Variants in SUMF1 observed in about 807,000 individuals in gnomAD.
SUMF1 encodes the protein sulfatase modifying factor 1, also known as formylglycine-generating enzyme.
Under a neutral mutation model 47.6 loss-of-function variants are expected in SUMF1, and 48 were observed. The ratio of observed to expected loss-of-function variants is 1.01; its 90% confidence interval spans 0.80 to 1.28. The LOEUF (loss-of-function observed/expected upper bound fraction) is 1.28, where lower values mean the gene tolerates loss of function less well. Among genes scored for constraint, SUMF1 ranks in the 50% most tolerant of loss-of-function variants. SUMF1 has a pLI of 0.00. For missense variants in SUMF1, 571 were observed against 485.4 expected, an observed-to-expected ratio of 1.18 and a Z score of -1.66; for synonymous variants, 230 against 192.1, an observed-to-expected ratio of 1.20 and a Z score of -1.63.
intron 8 of SUMF1, among the ~76,000 whole-genome samples, chr3:4,134,478 G>A (rs866092400): frequency 3.3e-5 from 5 of 152,188 alleles, no homozygotes; most frequent in Middle Eastern, 6.8e-3. Context: ...AGTGTGTAGA[G>A]GGAAATTTAT....
chr3:4,088,246 A>G (rs1303341493), intron 8 of SUMF1, among the ~76,000 whole-genome samples: 1 of 152,056 alleles, frequency 6.6e-6, no homozygotes, highest in Non-Finnish European at 1.5e-5. Flanking sequence ...CTCCATACTC[A>G]GGTAAGACCA....
At chr3:4,364,900 G>A (rs1284787042) in intron 8 of SUMF1, among the ~76,000 whole-genome samples, 1 of 150,126 alleles carries the variant, frequency 6.7e-6, no homozygotes, top group African/African-American at 2.4e-5. Flanking sequence ...CTTTGAATGT[G>A]TCCCAGAGAT....
intron 1 of SUMF1, among the ~76,000 whole-genome samples, chr3:4,458,259 G>C (rs1009064858): frequency 5.3e-5 from 8 of 152,128 alleles, no homozygotes; most frequent in African/African-American, 1.9e-4. Context: ...TAGAGAAAAA[G>C]GAACTCTACT....
chr3:4,210,479 T>A (rs1159622141), intron 8 of SUMF1, among the ~76,000 whole-genome samples: 1 of 152,122 alleles, frequency 6.6e-6, no homozygotes, highest in African/African-American at 2.4e-5. Context: ...ACACATATTG[T>A]CACCAATTTA....
At chr3:4,366,119 A>T (rs958926289) in intron 8 of SUMF1, among the ~76,000 whole-genome samples, 152 of 151,856 alleles carry the variant, frequency 1.0e-3, no homozygotes, top group African/African-American at 3.4e-3. Context: ...TTCGTGGGTA[A>T]CCCGACCTTT....
intron 8 of SUMF1, among the ~76,000 whole-genome samples, chr3:4,200,174 ATT>A (rs35851983): frequency 1.5e-4 from 19 of 125,856 alleles, no homozygotes; most frequent in African/African-American, 1.2e-4. Flanking sequence ...AAGCATCAAG[ATT>A]TTTTTTTTTT....
At chr3:4,191,689 G>T (rs377413128) in intron 8 of SUMF1, among the ~76,000 whole-genome samples, 28 of 152,058 alleles carry the variant, frequency 1.8e-4, no homozygotes, top group African/African-American at 6.0e-4. Flanking sequence ...GAGGACAAGA[G>T]AGAAAGCAAG....
At chr3:4,218,274 T>G (rs1044270421) in intron 8 of SUMF1, among the ~76,000 whole-genome samples, 7 of 152,036 alleles carry the variant, frequency 4.6e-5, no homozygotes, top group Non-Finnish European at 8.8e-5. Context: ...TTCTGTTGTT[T>G]AAGCCACATA....
intron 8 of SUMF1, among the ~76,000 whole-genome samples, chr3:4,254,004 C>G (rs1168818819): frequency 6.6e-6 from 1 of 150,980 alleles, no homozygotes; most frequent in Admixed American, 6.6e-5. Context: ...CAAGGGCACA[C>G]TGACACCACA....
At chr3:4,326,847 A>G (rs1267975753) in intron 8 of SUMF1, among the ~76,000 whole-genome samples, 1 of 152,064 alleles carries the variant, frequency 6.6e-6, no homozygotes, top group Non-Finnish European at 1.5e-5. Flanking sequence ...TGGCTCTCTA[A>G]CATCATCTCA....
intron 8 of SUMF1, among the ~76,000 whole-genome samples, chr3:4,129,169 T>C (rs1257552307): frequency 6.6e-6 from 1 of 152,102 alleles, no homozygotes; most frequent in Middle Eastern, 3.2e-3. Flanking sequence ...CTTCTCTGCA[T>C]GTCATATCTA....
At chr3:4,208,469 C>CA (rs775554036) in intron 8 of SUMF1, among the ~76,000 whole-genome samples, 39,372 of 132,608 alleles carry the variant, frequency 0.3, 5,951 homozygotes, top group African/African-American at 0.42. Context: ...TTCTAGAAGG[C>CA]AAAAAAAAAA....
intron 8 of SUMF1, among the ~76,000 whole-genome samples, chr3:4,168,157 G>A (rs1411291478): frequency 6.6e-6 from 1 of 152,066 alleles, no homozygotes; most frequent in Non-Finnish European, 1.5e-5. Flanking sequence ...TTGTTAATAG[G>A]AATTAAAGAA....
chr3:4,125,849 G>A (rs1195570572), intron 8 of SUMF1, among the ~76,000 whole-genome samples: 1 of 152,014 alleles, frequency 6.6e-6, no homozygotes. Flanking sequence ...GCTAGTTTTT[G>A]TATTTTTCAT....
chr3:4,460,619 T>G (rs1190633166), intron 1 of SUMF1, among the ~76,000 whole-genome samples: 1 of 148,810 alleles, frequency 6.7e-6, no homozygotes, highest in Non-Finnish European at 1.5e-5. Context: ...TGTGTGTGTG[T>G]GTGTGAGAGT....
chr3:4,395,557 C>T (rs570798623), intron 7 of SUMF1, among the ~76,000 whole-genome samples: 13 of 152,186 alleles, frequency 8.5e-5, no homozygotes, highest in South Asian at 6.2e-4. Context: ...GAAAGAAGAG[C>T]GCAGTAAAAC....
intron 8 of SUMF1, among the ~76,000 whole-genome samples, chr3:4,248,891 G>A (rs1237024316): frequency 1.3e-5 from 2 of 152,236 alleles, no homozygotes; most frequent in East Asian, 3.8e-4. Flanking sequence ...GTGGCCTGCA[G>A]ACTTGCTGAG....
chr3:4,181,896 T>G (rs1216174855), intron 8 of SUMF1, among the ~76,000 whole-genome samples: 2 of 152,162 alleles, frequency 1.3e-5, no homozygotes, highest in Admixed American at 6.5e-5. Flanking sequence ...TGATTGGCTG[T>G]CTGTGCTACT....
intron 8 of SUMF1, among the ~76,000 whole-genome samples, chr3:4,095,493 C>T (rs1277173551): frequency 6.6e-6 from 1 of 151,942 alleles, no homozygotes; most frequent in African/African-American, 2.4e-5. Context: ...AAGAGCCAAG[C>T]CAGAAAACAT....
Sources: allele counts gnomAD v4.1 joint callset (sites outside exome capture counted in the v4.1 genomes callset), GRCh38; gene constraint gnomAD v4.1.1; transcripts MANE v1.5; gene names NCBI Gene and HGNC (gene_info 2026-07-23, HGNC 2026-07-21).